The following DEFB106B variants were observed in gnomAD, a reference collection of about 807,000 sequenced individuals.
The protein encoded by DEFB106B is defensin beta 106B.
chr8:7,483,692 G>A (rs1252479934), intron 1 of DEFB106B, among the ~76,000 whole-genome samples: 1 of 99,982 alleles, frequency 1.0e-5, no homozygotes, highest in African/African-American at 4.3e-5. Flanking sequence ...AAAGCTCGAT[G>A]AACTCTGGCT....
chr8:7,484,055 T>C (rs1811381558), intron 1 of DEFB106B, among the ~76,000 whole-genome samples: 1 of 133,486 alleles, frequency 7.5e-6, no homozygotes, highest in Non-Finnish European at 1.6e-5. Flanking sequence ...AGTAATAATA[T>C]AGTATATATA....
intron 1 of DEFB106B, among the ~76,000 whole-genome samples, chr8:7,484,776 G>A (rs1406566242): frequency 9.7e-6 from 1 of 102,716 alleles, no homozygotes; most frequent in East Asian, 2.6e-4. Context: ...GGAGGCTGAG[G>A]CAGGAGAATC....
At chr8:7,484,771 C>T (rs1811428826) in intron 1 of DEFB106B, among the ~76,000 whole-genome samples, 1 of 102,534 alleles carries the variant, frequency 9.8e-6, no homozygotes, top group African/African-American at 4.1e-5. Flanking sequence ...ACTCAGGAGG[C>T]TGAGGCAGGA....
chr8:7,484,154 T>C (rs1368821631), intron 1 of DEFB106B, among the ~76,000 whole-genome samples: 9 of 136,522 alleles, frequency 6.6e-5, no homozygotes, highest in African/African-American at 2.4e-4. Flanking sequence ...TATAATAGTA[T>C]ATATACTATA....
At chr8:7,484,571 A>G (rs1432338726) in intron 1 of DEFB106B, among the ~76,000 whole-genome samples, 3 of 138,728 alleles carry the variant, frequency 2.2e-5, no homozygotes, top group Non-Finnish European at 4.6e-5. Context: ...GTAATAATAT[A>G]CTAGTATAAT....
intron 1 of DEFB106B, among the ~76,000 whole-genome samples, chr8:7,484,886 ATAT>A (rs1187252909): frequency 2.6e-5 from 1 of 38,652 alleles, no homozygotes; most frequent in African/African-American, 7.3e-5. Flanking sequence ...AAAAAAAAAA[ATAT>A]GTATATATAT....
At chr8:7,484,967 A>G (rs1227554645) in intron 1 of DEFB106B, among the ~76,000 whole-genome samples, 2 of 82,484 alleles carry the variant, frequency 2.4e-5, no homozygotes, top group Admixed American at 3.0e-4. Context: ...ATACTGTAAC[A>G]TCAGTAAATA....
intron 1 of DEFB106B, among the ~76,000 whole-genome samples, chr8:7,484,359 A>T (rs867641814): frequency 7.5e-4 from 111 of 148,104 alleles, no homozygotes; most frequent in African/African-American, 2.7e-3. Flanking sequence ...ACTATATACT[A>T]GTGTATTATA....
chr8:7,483,954 A>G (rs867316856), intron 1 of DEFB106B, among the ~76,000 whole-genome samples: 1 of 127,014 alleles, frequency 7.9e-6, no homozygotes, highest in Non-Finnish European at 1.6e-5. Flanking sequence ...TATATACTAT[A>G]TACCAGTGTA....
chr8:7,484,938 A>G (rs1206196165), intron 1 of DEFB106B, among the ~76,000 whole-genome samples: 1 of 92,102 alleles, frequency 1.1e-5, no homozygotes, highest in African/African-American at 4.3e-5. Context: ...TATATAGTAT[A>G]TAATACTAGT....
rs71537817 is a variant in DEFB106B at position 7,484,871 on chromosome 8, C to CA, written c.49+1462dup. ...CGGGGAACAGAGTGAGACTCTATCT[C>CA]AAAAAAAAAAAAAAATATGTATATA... On this transcript the variant is annotated intron_variant, in intron 1 of 1. Transcript: ENST00000335479. Among the ~76,000 whole-genome samples the CA allele has an allele frequency of 6.3e-3, 206 of 32,496 alleles. 1 individual carries two copies. The highest frequency in any genetic ancestry group is 0.022 in the African/African-American group (199 of 8,994). The allele number at this position is 32,496 out of a possible 152,430, so 21.3% of individuals were successfully genotyped here.
At chr8:7,484,887 T>A (rs200404578) in intron 1 of DEFB106B, among the ~76,000 whole-genome samples, 1,011 of 17,038 alleles carry the variant, frequency 0.059, 49 homozygotes, top group Admixed American at 0.075. Context: ...AAAAAAAAAA[T>A]ATGTATATAT....
intron 1 of DEFB106B, among the ~76,000 whole-genome samples, chr8:7,484,949 A>G (rs1483894288): frequency 5.7e-5 from 5 of 88,370 alleles, no homozygotes; most frequent in Non-Finnish European, 1.1e-4. Flanking sequence ...TAATACTAGT[A>G]CAATACCATA....
chr8:7,484,850 G>A, intron 1 of DEFB106B, among the ~76,000 whole-genome samples: 1 of 71,400 alleles, frequency 1.4e-5, no homozygotes, highest in Non-Finnish European at 2.7e-5. Flanking sequence ...CCAGCCCGGG[G>A]AACAGAGTGA....
intron 1 of DEFB106B, among the ~76,000 whole-genome samples, chr8:7,484,904 A>G (rs1358146246): frequency 2.0e-5 from 2 of 98,590 alleles, no homozygotes; most frequent in African/African-American, 3.9e-5. Context: ...ATATATATAT[A>G]TAAAATATAT....
At chr8:7,484,152 T>C (rs1281351321) in intron 1 of DEFB106B, among the ~76,000 whole-genome samples, 1 of 136,410 alleles carries the variant, frequency 7.3e-6, no homozygotes, top group Non-Finnish European at 1.6e-5. Context: ...ATTATAATAG[T>C]ATATATACTA....
At chr8:7,484,133 T>C (rs547447199) in intron 1 of DEFB106B, among the ~76,000 whole-genome samples, 83 of 138,454 alleles carry the variant, frequency 6.0e-4, no homozygotes, top group Admixed American at 1.6e-3. Context: ...ATATACTATA[T>C]ACTAGAGTAT....
chr8:7,483,852 C>G (rs1811372494), intron 1 of DEFB106B, among the ~76,000 whole-genome samples: 1 of 133,108 alleles, frequency 7.5e-6, no homozygotes. Context: ...TATAAAAATA[C>G]TAGTATTATA....
At chr8:7,482,930 A>G (rs1199727600) in intron 1 of DEFB106B, among the ~76,000 whole-genome samples, 178 bp from the exon 2 acceptor site, 3 of 149,630 alleles carry the variant, frequency 2.0e-5, no homozygotes, top group Non-Finnish European at 4.4e-5. Flanking sequence ...TCTCATAGTC[A>G]CACAGGGTGA....
Sources: gnomAD v4.1 joint callset for allele counts (sites outside exome capture counted in the v4.1 genomes callset) on GRCh38, gnomAD v4.1.1 for gene constraint, MANE v1.5 for transcripts, NCBI Gene and HGNC (gene_info 2026-07-23, HGNC 2026-07-21) for gene names.